Variants in INPP4B observed in about 807,000 individuals in gnomAD.
The protein encoded by INPP4B is inositol polyphosphate-4-phosphatase type II B.
INPP4B carries 55 observed loss-of-function variants against 122.5 expected under a neutral mutation model. The observed-to-expected ratio is 0.45, with a 90% CI of 0.36 to 0.56. INPP4B has a LOEUF of 0.56. Among genes scored for constraint, INPP4B ranks in the 20% least tolerant of loss-of-function variants. INPP4B has a pLI of 0.00. For missense variants in INPP4B, 1,000 were observed against 1,097.7 expected (o/e 0.91, Z 1.26); for synonymous variants, 403 against 388.7 (o/e 1.04, Z -0.43).
chr4:142,673,769 C>T (rs1313389221), intron 2 of INPP4B, among the ~76,000 whole-genome samples: 1 of 152,104 alleles, frequency 6.6e-6, no homozygotes, highest in Non-Finnish European at 1.5e-5. Flanking sequence ...AACTGAAGTT[C>T]GTCAGACTAA....
chr4:142,429,075 T>C (rs1268963769), intron 5 of INPP4B, 98 bp downstream of exon 5: 1 of 597,502 alleles, frequency 1.7e-6, no homozygotes, highest in East Asian at 3.1e-5. Context: ...TCATAAAAAT[T>C]TGTCAAATAT....
intron 12 of INPP4B, among the ~76,000 whole-genome samples, chr4:142,211,995 A>C (rs1845104133): frequency 6.6e-6 from 1 of 152,106 alleles, no homozygotes; most frequent in South Asian, 2.1e-4. Flanking sequence ...CCTGAGGCTC[A>C]CCATTGAGCA....
intron 10 of INPP4B, among the ~76,000 whole-genome samples, chr4:142,262,907 A>T (rs920862708): frequency 3.3e-5 from 5 of 152,176 alleles, no homozygotes; most frequent in Admixed American, 3.3e-4. Flanking sequence ...AACAGGAGCA[A>T]CATGGCCTGA....
At chr4:142,153,488 T>C (rs1207470874) in intron 17 of INPP4B, among the ~76,000 whole-genome samples, 2 of 152,210 alleles carry the variant, frequency 1.3e-5, no homozygotes, top group Non-Finnish European at 2.9e-5. Flanking sequence ...CAAGTTTGTA[T>C]ATTCATTATA....
intron 21 of INPP4B, among the ~76,000 whole-genome samples, 167 bp from the exon 22 acceptor site, chr4:142,112,849 A>C (rs1790916298): frequency 1.3e-5 from 2 of 152,162 alleles, no homozygotes; most frequent in Non-Finnish European, 2.9e-5. Flanking sequence ...AAATTACTTG[A>C]CATAAAAATT....
At chr4:142,752,821 G>A (rs1377090940) in intron 1 of INPP4B, among the ~76,000 whole-genome samples, 1 of 152,082 alleles carries the variant, frequency 6.6e-6, no homozygotes, top group African/African-American at 2.4e-5. Context: ...TACATCCTGA[G>A]AGGTCTTTGA....
At chr4:142,094,546 C>A (rs1308578458) in intron 23 of INPP4B, among the ~76,000 whole-genome samples, 1 of 152,172 alleles carries the variant, frequency 6.6e-6, no homozygotes, top group East Asian at 1.9e-4. Flanking sequence ...TACCTCCCTG[C>A]CCGTGCAAGA....
chr4:142,576,139 T>C (rs1232156033), intron 2 of INPP4B, among the ~76,000 whole-genome samples: 3 of 152,048 alleles, frequency 2.0e-5, no homozygotes, highest in Non-Finnish European at 4.4e-5. Context: ...AAATATTTAT[T>C]GAGCTTCTAA....
At chr4:142,735,057 G>A (rs1241582510) in intron 1 of INPP4B, among the ~76,000 whole-genome samples, 3 of 152,136 alleles carry the variant, frequency 2.0e-5, no homozygotes, top group East Asian at 1.9e-4. Context: ...GAGAACCGAC[G>A]TTTCAGGGCT....
rs749156387 is a variant in INPP4B, at chr4:142,112,582, A to G, written c.2236T>C (p.Phe746Leu). The change falls in exon 22 of 26, where the codon TTT becomes CTT. Residue 746 changes from phenylalanine (F) to leucine (L), a missense_variant. By Grantham distance (22) the Phe-to-Leu change is conservative. Coordinates refer to ENST00000262992, the MANE Select transcript of INPP4B (RefSeq NM_001101669.3). ...GQLLHVYPVL[F>L]NVGINEQQTL... Reference sequence around the variant, plus strand: ...TGCTGTTCATTGATTCCAACATTAAAAAGTACTGGATACACATGAAGCAAC... The same window carrying G: ...TGCTGTTCATTGATTCCAACATTAAGAAGTACTGGATACACATGAAGCAAC... 6.2e-7 allele frequency: 1 copy of G among 1,613,248 alleles called. No homozygotes were observed. The highest frequency in any genetic ancestry group is 8.5e-7 in the Non-Finnish European group (1 of 1,179,488).
chr4:142,825,574 T>A lies in INPP4B; in HGVS notation c.-254+20635A>T, dbSNP rs377104952. Among the ~76,000 whole-genome samples, 11 of 152,204 alleles carry A rather than the reference T, an allele frequency of 7.2e-5. No homozygotes were observed. In the East Asian group the frequency reaches 9.7e-4, roughly 13 times the overall value. On this transcript the variant is annotated intron_variant, in intron 1 of 25. Transcript: ENST00000262992. ...CTAGTAGAGTTATTAAGAGTGGGCA[T>A]ATAAAGAAATAACCGTACTACAAAG...
intron 7 of INPP4B, among the ~76,000 whole-genome samples, chr4:142,375,445 T>C (rs1392216347): frequency 1.3e-5 from 2 of 151,850 alleles, no homozygotes; most frequent in Admixed American, 1.3e-4. Flanking sequence ...GCCTCCCAAA[T>C]CTTTATTCCA....
At chr4:142,636,609 G>T (rs80022104) in intron 2 of INPP4B, among the ~76,000 whole-genome samples, 1,520 of 151,764 alleles carry the variant, frequency 0.01, 12 homozygotes, top group Middle Eastern at 0.018. Flanking sequence ...AAATATTCCT[G>T]GTCAATTTTC....
At chr4:142,065,565 G>A (rs1763092609) in intron 25 of INPP4B, among the ~76,000 whole-genome samples, 1 of 152,130 alleles carries the variant, frequency 6.6e-6, no homozygotes, top group Non-Finnish European at 1.5e-5. Flanking sequence ...GATGCACCTG[G>A]AAAATGTTAT....
intron 7 of INPP4B, among the ~76,000 whole-genome samples, chr4:142,329,952 A>G (rs1462919803): frequency 1.3e-5 from 2 of 151,182 alleles, no homozygotes; most frequent in Non-Finnish European, 2.9e-5. Context: ...AGCATTCAGA[A>G]AAAGCATTCT....
intron 1 of INPP4B, among the ~76,000 whole-genome samples, chr4:142,760,629 C>T (rs773315355): frequency 6.6e-6 from 1 of 151,980 alleles, no homozygotes; most frequent in Non-Finnish European, 1.5e-5. Context: ...TACATGAGAA[C>T]AGCTAATTGA....
chr4:142,761,338 C>T lies in INPP4B; in HGVS notation c.-253-35437G>A, dbSNP rs75503195. Among the ~76,000 whole-genome samples, 1,400 of 152,160 alleles carry T rather than the reference C, an allele frequency of 9.2e-3. 26 individuals are homozygous for T. The highest frequency in any genetic ancestry group is 0.031 in the African/African-American group (1,302 of 41,524). On this transcript the variant is annotated intron_variant, in intron 1 of 25. Coordinates refer to ENST00000262992, the MANE Select transcript of INPP4B (RefSeq NM_001101669.3). ...AGTTTTGTGCATAGGTTCCTTTTGA[C>T]ATTTTTCCATATTGATCTCCCCATT...
intron 15 of INPP4B, among the ~76,000 whole-genome samples, chr4:142,191,958 C>G (rs1223409080): frequency 6.6e-6 from 1 of 151,930 alleles, no homozygotes; most frequent in African/African-American, 2.4e-5. Context: ...TTCTAACCTC[C>G]TTTAAATGCT....
At chr4:142,299,118 C>T (rs948622547) in intron 9 of INPP4B, among the ~76,000 whole-genome samples, 1 of 151,358 alleles carries the variant, frequency 6.6e-6, no homozygotes, top group African/African-American at 2.4e-5. Flanking sequence ...TGTTGACTCA[C>T]ATGTTTTCCT....
Sources: allele counts gnomAD v4.1 joint callset (sites outside exome capture counted in the v4.1 genomes callset), GRCh38; gene constraint gnomAD v4.1.1; transcripts MANE v1.5; gene names NCBI Gene and HGNC (gene_info 2026-07-23, HGNC 2026-07-21).